Variants in EPHB4 observed in about 807,000 individuals in gnomAD.
The protein encoded by EPHB4 is EPH receptor B4, also known as ephrin type-B receptor 4.
Under a neutral mutation model 110.6 loss-of-function variants are expected in EPHB4, and 50 were observed. The ratio of observed to expected loss-of-function variants is 0.45; its 90% CI spans 0.36 to 0.57. The LOEUF (loss-of-function observed/expected upper bound fraction) is 0.57, where lower values mean the gene tolerates loss of function less well. Among genes scored for constraint, EPHB4 ranks in the 20% least tolerant of loss-of-function variants. The pLI is 0.00. For synonymous variants in EPHB4, 592 were observed against 578.4 expected, an observed-to-expected ratio of 1.02 and a Z score of -0.34; for missense variants, 1,128 against 1,382.1, an observed-to-expected ratio of 0.82 and a Z score of 2.91.
intron 8 of EPHB4, among the ~76,000 whole-genome samples, chr7:100,815,252 G>A (rs1183493801): frequency 6.6e-6 from 1 of 152,078 alleles, no homozygotes; most frequent in African/African-American, 2.4e-5. Context: ...GAGCCTGGGA[G>A]GTTGAGGCTG....
chr7:100,822,506 G>T lies in EPHB4; in HGVS notation c.573C>A (p.His191Gln), dbSNP rs1443214878. The T allele has an allele frequency of 6.2e-7, 1 of 1,613,420 alleles. No homozygotes were observed. The highest frequency in any genetic ancestry group is 8.5e-7 in the Non-Finnish European group (1 of 1,179,930). The change falls in exon 4 of 17, where the codon CAC (histidine) becomes CAA (glutamine). Residue 191 changes from histidine to glutamine, a missense_variant. His to Gln is a conservative substitution (Grantham distance 24). Transcript: ENST00000358173. The surrounding 1 kb of genome is among the most constrained non-coding windows in gnomAD (Gnocchi z 4.7). ...GCTGGGCGCACTTTTTGTAGAAGAG[G>T]TGCAGGGATAGCAGGGCCATGCAGG... ...QGACMALLSL[H>Q]LFYKKCAQLT... is the part of the protein sequence containing the mutation.
chr7:100,819,474 TCAC>T, intron 6 of EPHB4, 80 bp downstream of exon 6: 1 of 1,463,904 alleles, frequency 6.8e-7, no homozygotes, highest in Non-Finnish European at 9.2e-7. Flanking sequence ...GTACCCAACT[TCAC>T]AGCCCCTGCC....
chr7:100,803,645 C>T, intron 16 of EPHB4, 55 bp from the exon 17 acceptor site: 1 of 1,535,954 alleles, frequency 6.5e-7, no homozygotes, highest in Non-Finnish European at 8.8e-7. Flanking sequence ...GGCCGCTCTC[C>T]TCTCTTGGCT....
intron 12 of EPHB4, among the ~76,000 whole-genome samples, chr7:100,810,936 A>C (rs137926367): frequency 6.6e-6 from 1 of 151,980 alleles, no homozygotes; most frequent in African/African-American, 2.4e-5. Flanking sequence ...GCTACATAGA[A>C]AAATGTTTTG....
At chr7:100,811,321 ATAAAT>A (rs1264261615) in intron 12 of EPHB4, among the ~76,000 whole-genome samples, 1 of 152,136 alleles carries the variant, frequency 6.6e-6, no homozygotes, top group African/African-American at 2.4e-5. Flanking sequence ...AAGTGACCAA[ATAAAT>A]TAAGCAGTTC....
At chr7:100,821,091 C>T (rs758642246) in intron 4 of EPHB4, 1 of 151,120 alleles carries the variant, frequency 6.6e-6, no homozygotes, top group Non-Finnish European at 1.5e-5. Flanking sequence ...CCCACCACTG[C>T]ACTCCAGCCT....
Position 100,814,192 on chromosome 7 carries a change from A to T in EPHB4, c.1589-171T>A, listed in dbSNP as rs1344160689. 4 of 644,932 alleles carry T rather than the reference A, an allele frequency of 6.2e-6. No individual in the cohort carries two copies. The African/African-American group carries it at 7.3e-5, about 12-fold the overall frequency. The allele number at this position is 644,932 out of a possible 1,614,324, so 40.0% of individuals were successfully genotyped here. Reference sequence around the variant, plus strand: ...GTCAGGGAACAAACAGTGGGTTTCAAACTCTCCCCCAGGGGCCAGCAGGCT... The same window carrying T: ...GTCAGGGAACAAACAGTGGGTTTCATACTCTCCCCCAGGGGCCAGCAGGCT... On this transcript the variant is annotated intron_variant, in intron 8 of 16. Transcript: ENST00000358173.
In EPHB4 at chr7:100,803,481, C is replaced by G; in HGVS notation, c.2944G>C (p.Gly982Arg). Reference sequence around the variant, plus strand: ...GCAGGTCAGTACTGCGGGGCCGGTCCTCCTGTCCCACCCGGGGTTCCCGGC... The same window carrying G: ...GCAGGTCAGTACTGCGGGGCCGGTCGTCCTGTCCCACCCGGGGTTCCCGGC... ...AKPGTPGGTG[G>R]PAPQY is the part of the protein sequence containing the mutation. The change falls in exon 17 of 17, where the codon GGA becomes CGA. Residue 982 changes from glycine to arginine, a missense_variant. Physicochemically the swap from Gly to Arg is moderately radical, Grantham distance 125 (BLOSUM62 -2). Around this residue, in one of 3 missense-constraint regions of EPHB4, gnomAD observed 209 missense variants for 240.5 expected, o/e 0.87. Transcript: ENST00000358173. 6.3e-7 allele frequency: 1 copy of G among 1,579,106 alleles called. No homozygotes were observed. Among genetic ancestry groups the G allele is most frequent in the South Asian group, 1.2e-5 (1 of 86,500 alleles).
intron 8 of EPHB4, among the ~76,000 whole-genome samples, chr7:100,814,405 G>T (rs1319638804): frequency 6.6e-6 from 1 of 152,140 alleles, no homozygotes. Flanking sequence ...AGCCTCCTGA[G>T]TAGCTGGGAT....
chr7:100,805,386 C>G (rs1812796100), intron 15 of EPHB4, 65 bp from the exon 16 acceptor site: 5 of 1,605,066 alleles, frequency 3.1e-6, no homozygotes, highest in South Asian at 1.1e-5. Flanking sequence ...GAGGTGGAAC[C>G]CAGCCTTGCA....
At position 100,817,432 on chromosome 7, in the gene EPHB4, C is replaced by T. The variant is rs536233186; in HGVS notation, c.1423-75G>A. The T allele has an allele frequency of 2.3e-4, 329 of 1,460,170 alleles. 3 individuals carry two copies. The South Asian group carries it at 4.0e-3, about 18-fold the overall frequency. The allele number at this position is 1,460,170 out of a possible 1,614,324, so 90.5% of individuals were successfully genotyped here. ...TGTTGCTCTTCCTGCCTCCTTCCCTCGCCCTCCACTCCCATCACTAGCCTG... is the reference window on the plus strand; with the variant it reads ...TGTTGCTCTTCCTGCCTCCTTCCCTTGCCCTCCACTCCCATCACTAGCCTG... On this transcript the variant is annotated intron_variant, in intron 7 of 16. Coordinates refer to ENST00000358173, the MANE Select transcript of EPHB4 (RefSeq NM_004444.5).
chr7:100,806,149 G>A lies in EPHB4; in HGVS notation c.2484+271C>T, dbSNP rs1156414162. 2.6e-5 allele frequency: 7 copies of A among 265,756 alleles called. 1 individual carries two copies. Among genetic ancestry groups the A allele is most frequent in the Admixed American group, 1.6e-4 (3 of 19,106 alleles). The allele number at this position is 265,756 out of a possible 1,614,324, so 16.5% of individuals were successfully genotyped here. ...TAATTTTTTGTATTTTTTTAGAGAC[G>A]GGGTTTCACCATGTTGGCCAGGCTG... is the stretch of plus-strand genomic sequence containing the variant. On this transcript the variant is annotated intron_variant, in intron 14 of 16. Transcript: ENST00000358173.
In EPHB4 at chr7:100,817,007, C is replaced by T. The variant is rs561629844; in HGVS notation, c.1588+185G>A. On this transcript the variant is annotated intron_variant, in intron 8 of 16. Coordinates refer to ENST00000358173, the MANE Select transcript of EPHB4 (RefSeq NM_004444.5). ...CTGAGGCAGGAGAATGGCTTGAATC[C>T]GGGAGGCGGAGGTTGCAGTGAGCGG... Among the ~76,000 whole-genome samples the T allele has an allele frequency of 2.3e-4, 32 of 141,222 alleles. No individual in the cohort carries two copies. The South Asian group carries it at 5.5e-3, about 24-fold the overall frequency. The allele number at this position is 141,222 out of a possible 152,430, so 92.6% of individuals were successfully genotyped here.
chr7:100,813,837 C>A, intron 9 of EPHB4, 82 bp downstream of exon 9: 1 of 1,604,784 alleles, frequency 6.2e-7, no homozygotes, highest in Non-Finnish European at 8.5e-7. Flanking sequence ...TGGGGACAGC[C>A]AGAAAGGCTT....
In EPHB4 at chr7:100,819,814, A is replaced by AG. The variant is rs767827881; in HGVS notation, c.1039dup (p.Leu347ProfsTer34). 5 of 1,561,220 alleles carry AG rather than the reference A, an allele frequency of 3.2e-6. No homozygotes were observed. The highest frequency in any genetic ancestry group is 1.4e-5 in the African/African-American group (1 of 73,492). On this transcript the variant is annotated frameshift_variant, in exon 6 of 17. Transcript: ENST00000358173. LOFTEE classifies it high-confidence loss of function. The stretch of plus-strand genomic sequence containing the variant: ...GAGGTCCTCTCGGCCACCAGACTCC[A>AG]GGGGGGCACTCCATTCCAGGTGCAG...
At chr7:100,815,401 C>G (rs1813044532) in intron 8 of EPHB4, among the ~76,000 whole-genome samples, 1 of 152,150 alleles carries the variant, frequency 6.6e-6, no homozygotes, top group African/African-American at 2.4e-5. Flanking sequence ...TGAAAACATT[C>G]TGCTCGGTGA....
Position 100,807,403 on chromosome 7 carries a change from C to T in EPHB4, c.2296G>A (p.Glu766Lys). ...TAGGTGGGATCGGAAGAGTTCTCCT[C>T]CAGGAATCGGGAAAGGCCAAAGTCA... ...VSDFGLSRFL[E>K]ENSSDPTYTS... is the part of the protein sequence containing the mutation. Residue 766 changes from glutamate (E) to lysine (K), a missense_variant, in exon 13 of 17, where the codon GAG becomes AAG. Physicochemically the swap from Glu to Lys is moderately conservative, Grantham distance 56. Transcript: ENST00000358173. 6.2e-7 allele frequency: 1 copy of T among 1,613,876 alleles called. No individual in the cohort carries two copies. The highest frequency in any genetic ancestry group is 8.5e-7 in the Non-Finnish European group (1 of 1,179,952).
chr7:100,805,933 T>C (rs1812809217), intron 14 of EPHB4: 2 of 420,940 alleles, frequency 4.8e-6, no homozygotes, highest in Non-Finnish European at 8.3e-6. Context: ...TCTGCATCCT[T>C]CTGCGACCCA....
intron 12 of EPHB4, 54 bp from the exon 13 acceptor site, chr7:100,807,634 C>T: frequency 6.4e-7 from 1 of 1,553,762 alleles, no homozygotes; most frequent in East Asian, 2.3e-5. Context: ...CACCGTTCCC[C>T]CTCCCATCCA....
Sources: gnomAD v4.1 joint callset for allele counts (sites outside exome capture counted in the v4.1 genomes callset) on GRCh38, gnomAD v4.1.1 for gene constraint, gnomAD v4.1.1 regional missense constraint, Gnocchi (gnomAD v3.1) non-coding constraint, MANE v1.5 for transcripts, NCBI Gene and HGNC (gene_info 2026-07-23, HGNC 2026-07-21) for gene names.